The following LPCAT1 variants were observed in gnomAD, a reference collection of about 807,000 sequenced individuals.
LPCAT1 encodes lysophosphatidylcholine acyltransferase 1, also known as 1-acylglycerol-3-phosphate O-acyltransferase.
LPCAT1 carries 23 observed loss-of-function variants against 60.9 expected under a neutral mutation model. The observed-to-expected ratio is 0.38, with a 90% CI of 0.27 to 0.53. LPCAT1 has a LOEUF of 0.53. Ranked by LOEUF, LPCAT1 falls within the 20% of genes least tolerant of loss-of-function variation. The pLI is 0.82. For synonymous variants in LPCAT1, 340 were observed against 301.1 expected (o/e 1.13, Z -1.34); for missense variants, 622 against 723.6 (o/e 0.86, Z 1.61).
intron 1 of LPCAT1, among the ~76,000 whole-genome samples, chr5:1,505,578 T>A (rs997148890): frequency 4.6e-5 from 7 of 152,154 alleles, no homozygotes; most frequent in African/African-American, 1.7e-4. Flanking sequence ...GTAGTCAGGC[T>A]GCTGGTTCCT....
rs138685440 is a variant in LPCAT1 at position 1,463,812 on chromosome 5, T to C, written c.1444A>G (p.Met482Val). ...TATTCCTCTGCGAAGGCAGGGTACA[T>C]TTCTGCAAACCTGTGGAAGTCAGCT... ...TFADFHRFAE[M>V]YPAFAEEYLY... The change falls in exon 14 of 14, where the codon ATG becomes GTG. Residue 482 changes from methionine to valine, a missense_variant. This residue lies in a region of LPCAT1 where 288 missense variants were observed against 283.6 expected (regional missense o/e 1.02). Transcript: ENST00000283415. The C allele has an allele frequency of 3.0e-5, 49 of 1,614,222 alleles. No homozygotes were observed. In the African/African-American group the frequency reaches 5.2e-4, roughly 17 times the overall value.
At chr5:1,517,147 T>G (rs945905027) in intron 1 of LPCAT1, among the ~76,000 whole-genome samples, 8 of 152,192 alleles carry the variant, frequency 5.3e-5, no homozygotes, top group Non-Finnish European at 1.2e-4. Flanking sequence ...CTGGAAATGC[T>G]GGAAACAGTA....
chr5:1,478,852 C>T (rs1036765101), intron 8 of LPCAT1, among the ~76,000 whole-genome samples: 5 of 152,210 alleles, frequency 3.3e-5, no homozygotes, highest in African/African-American at 7.2e-5. Context: ...TACTCCTCAT[C>T]GACTTAGAAA....
At chr5:1,478,867 T>C (rs967529077) in intron 8 of LPCAT1, among the ~76,000 whole-genome samples, 1 of 152,238 alleles carries the variant, frequency 6.6e-6, no homozygotes, top group Non-Finnish European at 1.5e-5. Flanking sequence ...TAGAAAAAAT[T>C]GTGCAGGCTA....
At chr5:1,520,860 CAAAAAAAAAAAAAAAAAAA>C (rs1410732391) in intron 1 of LPCAT1, among the ~76,000 whole-genome samples, 1 of 82,046 alleles carries the variant, frequency 1.2e-5, no homozygotes, top group Non-Finnish European at 2.3e-5. Flanking sequence ...GAGACTGTCT[CAAAAAAAAAAAAAAAAAAA>C]GAAAAAGAAA....
rs62331144 is a variant in LPCAT1, at chr5:1,503,641, G to A, written c.136-2038C>T. ...GTCACTTCCTCCCAGCGGCTTCCTC[G>A]TGCAGTCGCCCTACGAAACCAGCGT... On this transcript the variant is annotated intron_variant, in intron 1 of 13. Coordinates refer to ENST00000283415, the MANE Select transcript of LPCAT1 (RefSeq NM_024830.5). 2.6e-5 allele frequency among the ~76,000 whole-genome samples: 4 copies of A among 152,312 alleles called. No individual in the cohort carries two copies. In the South Asian group the frequency reaches 6.2e-4, roughly 24 times the overall value.
Position 1,496,433 on chromosome 5 carries a change from G to C in LPCAT1, c.279-1519C>G, listed in dbSNP as rs1560980115. 2.1e-5 allele frequency among the ~76,000 whole-genome samples: 3 copies of C among 145,884 alleles called. No homozygotes were observed. The highest frequency in any genetic ancestry group is 2.0e-4 in the Admixed American group (3 of 14,840). On this transcript the variant is annotated intron_variant, in intron 2 of 13. Coordinates refer to ENST00000283415, the MANE Select transcript of LPCAT1 (RefSeq NM_024830.5). This position sits in a 1 kb window ranked among gnomAD's most constrained non-coding sequence, Gnocchi z 4.7. ...TATTTTCCACAAAAAAAAAAAAAAAGTACAAAAACAAAAGCCAAAAGACAG... is the reference window on the plus strand; with the variant it reads ...TATTTTCCACAAAAAAAAAAAAAAACTACAAAAACAAAAGCCAAAAGACAG...
chr5:1,488,865 C>T (rs978908960), intron 4 of LPCAT1, among the ~76,000 whole-genome samples: 1 of 152,208 alleles, frequency 6.6e-6, no homozygotes, highest in South Asian at 2.1e-4. Flanking sequence ...AATGGCAGTG[C>T]CTGGCTGATG....
chr5:1,494,785 C>A lies in LPCAT1; in HGVS notation c.408G>T (p.Ser136=), dbSNP rs372317245. 2 of 1,614,084 alleles carry A rather than the reference C, an allele frequency of 1.2e-6. No individual in the cohort carries two copies. The highest frequency in any genetic ancestry group is 1.7e-5 in the Admixed American group (1 of 60,018). Residue 136 remains serine, a synonymous_variant, in exon 3 of 14, where the codon TCG becomes TCT. Coordinates refer to ENST00000283415, the MANE Select transcript of LPCAT1 (RefSeq NM_024830.5). The part of the protein sequence containing the change: ...EAAILTLAPH[S]SYFDAIPVTM... The stretch of plus-strand genomic sequence containing the variant: ...TCACAGGGATGGCGTCGAAGTAGGA[C>A]GAGTGAGGCGCGAGCGTGAGGATGG...
intron 11 of LPCAT1, among the ~76,000 whole-genome samples, chr5:1,471,842 G>A (rs142327316): frequency 9.6e-4 from 146 of 151,976 alleles, no homozygotes; most frequent in African/African-American, 3.1e-3. Context: ...GAGAGCAGGA[G>A]GTGAGGAGCA....
intron 1 of LPCAT1, among the ~76,000 whole-genome samples, chr5:1,511,737 G>C (rs762674019): frequency 6.6e-6 from 1 of 152,214 alleles, no homozygotes; most frequent in Non-Finnish European, 1.5e-5. Context: ...ATCCCTGAGT[G>C]GGATCAGGCC....
chr5:1,473,548 A>G (rs1734775250), intron 11 of LPCAT1, among the ~76,000 whole-genome samples: 2 of 152,228 alleles, frequency 1.3e-5, no homozygotes, highest in Non-Finnish European at 2.9e-5. Context: ...TCCCACACCC[A>G]CAGGCTGGCG....
intron 13 of LPCAT1, among the ~76,000 whole-genome samples, chr5:1,465,573 A>G (rs897347555): frequency 6.7e-6 from 1 of 148,390 alleles, no homozygotes; most frequent in Non-Finnish European, 1.5e-5. Context: ...ATGCACACAC[A>G]CAAGTGCACG....
chr5:1,514,159 C>G (rs1256127529), intron 1 of LPCAT1, among the ~76,000 whole-genome samples: 1 of 152,208 alleles, frequency 6.6e-6, no homozygotes, highest in African/African-American at 2.4e-5. Flanking sequence ...ATGCCAGGGC[C>G]CTCCTGGGAG....
Position 1,477,233 on chromosome 5 carries a change from A to G in LPCAT1, c.899+171T>C, listed in dbSNP as rs531306504. On this transcript the variant is annotated intron_variant, in intron 9 of 13. Coordinates refer to ENST00000283415, the MANE Select transcript of LPCAT1 (RefSeq NM_024830.5). This position sits in a 1 kb window ranked among gnomAD's most constrained non-coding sequence, Gnocchi z 6.0. ...GGTGAAATGCCATCAGAGGGAAACA[A>G]GGGGCGCACAGCACAAGGCCAAGCA... Among the ~76,000 whole-genome samples the G allele has an allele frequency of 8.5e-5, 13 of 152,320 alleles. No individual in the cohort carries two copies. Among genetic ancestry groups the G allele is most frequent in the Non-Finnish European group, 1.5e-4 (10 of 68,034 alleles).
intron 2 of LPCAT1, among the ~76,000 whole-genome samples, chr5:1,497,812 A>T (rs997918829): frequency 1.3e-5 from 2 of 152,218 alleles, no homozygotes; most frequent in African/African-American, 4.8e-5. Flanking sequence ...ACTTGGGAAC[A>T]GGTGTTCCCA....
At chr5:1,466,376 G>C (rs1469940314) in intron 13 of LPCAT1, among the ~76,000 whole-genome samples, 1 of 152,068 alleles carries the variant, frequency 6.6e-6, no homozygotes, top group East Asian at 1.9e-4. Flanking sequence ...GGAGAGGGGG[G>C]ATGTGAGCCA....
chr5:1,489,825 G>C lies in LPCAT1; in HGVS notation c.527C>G (p.Ser176Cys). Residue 176 changes from serine (S) to cysteine (C), a missense_variant, in exon 4 of 14, where the codon TCC becomes TGC. Transcript: ENST00000283415. ...LIQYIRPVFVSRSDQDSRRKT... is the reference protein window; with the variant it reads ...LIQYIRPVFVCRSDQDSRRKT... Reference sequence around the variant, plus strand: ...CCTGCGAGAATCCTGGTCTGACCGGGACACGAACACAGGCCGTATATACTG... The same window carrying C: ...CCTGCGAGAATCCTGGTCTGACCGGCACACGAACACAGGCCGTATATACTG... The C allele has an allele frequency of 6.2e-7, 1 of 1,614,082 alleles. No individual in the cohort carries two copies. The highest frequency in any genetic ancestry group is 1.1e-5 in the South Asian group (1 of 91,082).
rs1735253648 is a variant in LPCAT1 at position 1,483,703 on chromosome 5, C to T, written c.668-217G>A. ...GGCAGGAACATCGGCCAGGGGCGCT[C>T]CCCGGCCAAGGAACACTTTCTGTTT... On this transcript the variant is annotated intron_variant, in intron 5 of 13. Transcript: ENST00000283415. The surrounding 1 kb of genome is among the most constrained non-coding windows in gnomAD (Gnocchi z 9.2). Among the ~76,000 whole-genome samples, 1 of 152,274 alleles carries T rather than the reference C, an allele frequency of 6.6e-6. No individual in the cohort carries two copies. The highest frequency in any genetic ancestry group is 6.5e-5 in the Admixed American group (1 of 15,290).
Sources: allele counts gnomAD v4.1 joint callset (sites outside exome capture counted in the v4.1 genomes callset), GRCh38; gene constraint gnomAD v4.1.1; regional missense constraint gnomAD v4.1.1; non-coding constraint Gnocchi (gnomAD v3.1); transcripts MANE v1.5; gene names NCBI Gene and HGNC (gene_info 2026-07-23, HGNC 2026-07-21).